Variants in DMD observed in about 807,000 individuals in gnomAD.
DMD encodes the protein mutant dystrophin.
In DMD, 63 loss-of-function variants were observed where a neutral mutation model predicts 330.1. That is an observed-to-expected ratio of 0.19 (90% confidence interval 0.16 to 0.24). DMD has a LOEUF of 0.24. Ranked by LOEUF, DMD falls within the 10% of genes least tolerant of loss-of-function variation. The pLI, the probability that DMD is intolerant of heterozygous loss-of-function variation, is 1.00. For missense variants in DMD, 3,344 were observed against 2,684.1 expected, an observed-to-expected ratio of 1.25 and a Z score of -5.43; for synonymous variants, 1,223 against 959.8, an observed-to-expected ratio of 1.27 and a Z score of -5.07.
intron 23 of DMD, among the ~76,000 whole-genome samples, chrX:32,466,109 C>A (rs934542399): frequency 1.8e-5 from 2 of 111,266 alleles, no homozygotes; most frequent in East Asian, 5.7e-4. Flanking sequence ...TTATCAGTCC[C>A]ATCACCACTA....
intron 12 of DMD, among the ~76,000 whole-genome samples, chrX:32,599,761 A>G (rs940302643): frequency 3.6e-5 from 4 of 111,959 alleles, no homozygotes; most frequent in African/African-American, 1.3e-4. Context: ...TAGGTACTTT[A>G]TTATGCATTT....
At chrX:31,366,440 T>C (rs2059232812) in intron 60 of DMD, among the ~76,000 whole-genome samples, 1 of 73,622 alleles carries the variant, frequency 1.4e-5, no homozygotes, top group Non-Finnish European at 2.3e-5. Flanking sequence ...ACCATTCTCT[T>C]ATTAAGGCTG....
intron 59 of DMD, among the ~76,000 whole-genome samples, chrX:31,476,505 C>CAT (rs201882099): frequency 3.2e-4 from 33 of 101,704 alleles, no homozygotes; most frequent in Admixed American, 1.5e-3. Context: ...TATGCCATCA[C>CAT]ATATATATAT....
intron 49 of DMD, among the ~76,000 whole-genome samples, chrX:31,824,980 G>A (rs2149444994): frequency 9.0e-6 from 1 of 111,456 alleles, no homozygotes; most frequent in East Asian, 2.8e-4. Context: ...TTAAAAATCA[G>A]TCTTGAACCC....
At chrX:32,675,563 A>C (rs757695081) in intron 9 of DMD, among the ~76,000 whole-genome samples, 152 of 111,642 alleles carry the variant, frequency 1.4e-3, no homozygotes, top group South Asian at 2.2e-3. Context: ...TAAATCATGA[A>C]GTGTGTGCAT....
intron 49 of DMD, among the ~76,000 whole-genome samples, chrX:31,831,770 GT>G (rs765748596): frequency 9.0e-6 from 1 of 110,533 alleles, no homozygotes; most frequent in East Asian, 2.8e-4. Context: ...GGCTAATTTT[GT>G]TTTTGTATTT....
intron 44 of DMD, among the ~76,000 whole-genome samples, chrX:32,140,965 A>C (rs1288777484): frequency 9.0e-6 from 1 of 111,634 alleles, no homozygotes; most frequent in Non-Finnish European, 1.9e-5. Flanking sequence ...AATTTTGCTC[A>C]AACAAGGCAG....
chrX:32,339,678 G>A (rs1216997553), intron 41 of DMD, among the ~76,000 whole-genome samples: 1 of 111,702 alleles, frequency 9.0e-6, no homozygotes, highest in African/African-American at 3.3e-5. Context: ...ACTTCTCTGA[G>A]TCTTTATCTG....
chrX:32,726,492 A>G (rs890074177), intron 7 of DMD, among the ~76,000 whole-genome samples: 1 of 111,070 alleles, frequency 9.0e-6, no homozygotes, highest in African/African-American at 3.3e-5. Flanking sequence ...AGGCATAAAA[A>G]TACAGCTATT....
chrX:32,302,401 A>G (rs888005351), intron 42 of DMD, among the ~76,000 whole-genome samples: 3 of 111,314 alleles, frequency 2.7e-5, no homozygotes, highest in African/African-American at 9.8e-5. Context: ...CCCCATCACA[A>G]GTCAAGGAAC....
chrX:32,323,885 T>C (rs188645041), intron 41 of DMD, among the ~76,000 whole-genome samples: 1 of 111,759 alleles, frequency 8.9e-6, no homozygotes, highest in African/African-American at 3.2e-5. Flanking sequence ...TTGGTTAAAA[T>C]GTCTCATCTA....
chrX:33,131,387 G>A lies in DMD; in HGVS notation c.31+79895C>T, dbSNP rs145767661. ...GAGACTCAAGCAATTCTAATGAACAGCCAAGTTTGAGAATCTGTACCCATT... is the reference window on the plus strand; with the variant it reads ...GAGACTCAAGCAATTCTAATGAACAACCAAGTTTGAGAATCTGTACCCATT... On this transcript the variant is annotated intron_variant, in intron 1 of 78. Coordinates refer to ENST00000357033, the MANE Select transcript of DMD (RefSeq NM_004006.3). Among the ~76,000 whole-genome samples, 955 of 111,855 alleles carry A rather than the reference G, an allele frequency of 8.5e-3. 6 individuals carry two copies. The highest frequency in any genetic ancestry group is 0.013 in the Admixed American group (141 of 10,515).
intron 1 of DMD, among the ~76,000 whole-genome samples, chrX:33,327,495 G>A (rs979555243): frequency 2.2e-4 from 24 of 111,427 alleles, no homozygotes; most frequent in Non-Finnish European, 4.3e-4. Flanking sequence ...CACCTAATCC[G>A]TATTTAGGTT....
chrX:32,302,260 T>C (rs1219371462), intron 42 of DMD, among the ~76,000 whole-genome samples: 2 of 111,164 alleles, frequency 1.8e-5, no homozygotes, highest in Non-Finnish European at 3.8e-5. Context: ...TGCGCAACTG[T>C]AGGTTAACAT....
chrX:32,699,222 G>C lies in DMD; in HGVS notation c.721C>G (p.Gln241Glu). The C allele has an allele frequency of 1.7e-6, 2 of 1,209,429 alleles. No individual in the cohort carries two copies. Among genetic ancestry groups the C allele is most frequent in the Non-Finnish European group, 2.2e-6 (2 of 893,546 alleles). Residue 241 changes from glutamine (Q) to glutamate (E), a missense_variant, in exon 8 of 79, where the codon CAA becomes GAA. Gln to Glu is a conservative substitution (Grantham distance 29, BLOSUM62 2). Transcript: ENST00000357033. ...TGGATGGCTTCAATGCTCACTTGTT[G>C]AGGCAAAACTTGGAAGAGTGATGTG... is the stretch of plus-strand genomic sequence containing the variant. ...YITSLFQVLP[Q>E]QVSIEAIQEV...
At chrX:32,096,772 C>T (rs1375310658) in intron 44 of DMD, among the ~76,000 whole-genome samples, 3 of 111,458 alleles carry the variant, frequency 2.7e-5, no homozygotes, top group African/African-American at 6.5e-5. Context: ...AGACTATATA[C>T]GCATAGCATT....
At chrX:33,135,778 T>C (rs1430567289) in intron 1 of DMD, among the ~76,000 whole-genome samples, 2 of 112,061 alleles carry the variant, frequency 1.8e-5, no homozygotes, top group African/African-American at 6.5e-5. Context: ...CTAATAACAG[T>C]ACTTATATTA....
At chrX:32,131,247 C>T (rs1796380639) in intron 44 of DMD, among the ~76,000 whole-genome samples, 1 of 111,999 alleles carries the variant, frequency 8.9e-6, no homozygotes, top group Non-Finnish European at 1.9e-5. Flanking sequence ...ATTTCATTAG[C>T]ATATAAGATC....
chrX:31,898,300 C>T lies in DMD; in HGVS notation c.6913-22927G>A, dbSNP rs750905470. On this transcript the variant is annotated intron_variant, in intron 47 of 78. Coordinates refer to ENST00000357033, the MANE Select transcript of DMD (RefSeq NM_004006.3). ...GTTCATATGGAACCAAAAAAGAGCC[C>T]GCATCGCCAAGTCAATCCTGAGCCA... is the stretch of plus-strand genomic sequence containing the variant. 9.2e-3 allele frequency among the ~76,000 whole-genome samples: 1,005 copies of T among 109,442 alleles called. 16 individuals are homozygous for T. Among genetic ancestry groups the T allele is most frequent in the African/African-American group, 0.032 (957 of 30,016 alleles).
Sources: gnomAD v4.1 joint callset for allele counts (sites outside exome capture counted in the v4.1 genomes callset) on GRCh38, gnomAD v4.1.1 for gene constraint, MANE v1.5 for transcripts, NCBI Gene and HGNC (gene_info 2026-07-23, HGNC 2026-07-21) for gene names.